The following LOC128092252 variants were observed in gnomAD, a reference collection of about 807,000 sequenced individuals.
the LOC128092252 span, among the ~76,000 whole-genome samples, chr15:50,677,810 T>C: frequency 7.1e-6 from 1 of 140,574 alleles, no homozygotes; most frequent in Non-Finnish European, 1.5e-5. Context: ...ATGTCCAATA[T>C]ACACTCCAAA....
At chr15:50,663,020 A>G in the LOC128092252 span, 1 of 1,613,822 alleles carries the variant, frequency 6.2e-7, no homozygotes, top group Non-Finnish European at 8.5e-7. Context: ...TCTTGGTCAA[A>G]GTGCTTTCTA....
chr15:50,680,296 T>A, the LOC128092252 span, among the ~76,000 whole-genome samples: 2 of 151,898 alleles, frequency 1.3e-5, no homozygotes, highest in Non-Finnish European at 2.9e-5. Flanking sequence ...ATCCCAGTAC[T>A]TTAGGAGGCC....
chr15:50,657,652 G>T, the LOC128092252 span: 1 of 768,862 alleles, frequency 1.3e-6, no homozygotes, highest in Non-Finnish European at 2.1e-6. Flanking sequence ...CACCTTCCAA[G>T]TCTAGGTAAA....
chr15:50,658,938 C>T, the LOC128092252 span, among the ~76,000 whole-genome samples: 2 of 152,288 alleles, frequency 1.3e-5, no homozygotes, highest in South Asian at 2.1e-4. Context: ...GTGGCTCACG[C>T]CTGTAATGCC....
chr15:50,670,810 G>GAAAAAAAAAA, the LOC128092252 span, among the ~76,000 whole-genome samples: 1 of 113,512 alleles, frequency 8.8e-6, no homozygotes, highest in Non-Finnish European at 1.9e-5. Flanking sequence ...AAAAGAAAAA[G>GAAAAAAAAAA]AAAAAAAAAA....
the LOC128092252 span, among the ~76,000 whole-genome samples, chr15:50,654,612 G>A: frequency 3.3e-5 from 5 of 151,570 alleles, no homozygotes; most frequent in South Asian, 6.2e-4. Flanking sequence ...CATAATGAGA[G>A]TGCACATGGT....
chr15:50,649,712 C>T, the LOC128092252 span, among the ~76,000 whole-genome samples: 23 of 152,238 alleles, frequency 1.5e-4, no homozygotes, highest in African/African-American at 5.3e-4. Flanking sequence ...ACATACTGGA[C>T]TATAACACCA....
the LOC128092252 span, among the ~76,000 whole-genome samples, chr15:50,661,016 C>T: frequency 1.3e-5 from 2 of 150,688 alleles, no homozygotes; most frequent in African/African-American, 4.9e-5. Context: ...ACTCTTGTTA[C>T]CCAGGCTGGA....
chr15:50,666,709 G>A, the LOC128092252 span, among the ~76,000 whole-genome samples: 2 of 152,030 alleles, frequency 1.3e-5, no homozygotes, highest in African/African-American at 4.8e-5. Context: ...GGCTGAGGCA[G>A]GAGAATTGCT....
At chr15:50,672,179 G>C in the LOC128092252 span, among the ~76,000 whole-genome samples, 1 of 151,930 alleles carries the variant, frequency 6.6e-6, no homozygotes, top group Non-Finnish European at 1.5e-5. Flanking sequence ...TCAGCCTCCT[G>C]AGCAGCTGGG....
chr15:50,686,697 A>C, the LOC128092252 span: 18 of 884,206 alleles, frequency 2.0e-5, no homozygotes, highest in African/African-American at 3.0e-4. Flanking sequence ...CGGCGCTAGC[A>C]GCAGAAGCCG....
chr15:50,658,594 T>C, the LOC128092252 span, among the ~76,000 whole-genome samples: 10 of 151,348 alleles, frequency 6.6e-5, no homozygotes, highest in African/African-American at 2.4e-4. Context: ...AAAGACATTA[T>C]CTTGGCAAGA....
the LOC128092252 span, among the ~76,000 whole-genome samples, chr15:50,653,076 G>A: frequency 0.017 from 2,627 of 152,138 alleles, 90 homozygotes; most frequent in African/African-American, 0.061. Context: ...ACCTGAGCCC[G>A]GGAGGTCAAG....
the LOC128092252 span, among the ~76,000 whole-genome samples, chr15:50,654,918 A>G: frequency 6.1e-5 from 9 of 146,902 alleles, 1 homozygote; most frequent in Admixed American, 6.8e-5. Flanking sequence ...GGAGAATGGC[A>G]TGAACCCAGG....
At chr15:50,653,113 C>T in the LOC128092252 span, among the ~76,000 whole-genome samples, 2 of 152,116 alleles carry the variant, frequency 1.3e-5, no homozygotes, top group Admixed American at 1.3e-4. Context: ...CACTGCACTC[C>T]AGTCTGGGCC....
chr15:50,651,168 CACAG>C, the LOC128092252 span, among the ~76,000 whole-genome samples: 1 of 152,056 alleles, frequency 6.6e-6, no homozygotes, highest in Non-Finnish European at 1.5e-5. Flanking sequence ...GCCTGGGTGA[CACAG>C]AGAGACCCTG....
At chr15:50,672,019 T>A in the LOC128092252 span, among the ~76,000 whole-genome samples, 3 of 152,238 alleles carry the variant, frequency 2.0e-5, no homozygotes, top group East Asian at 5.8e-4. Context: ...ACGCTTTTTA[T>A]GGTTAGAGTG....
chr15:50,676,720 T>G, the LOC128092252 span, among the ~76,000 whole-genome samples: 1 of 152,138 alleles, frequency 6.6e-6, no homozygotes, highest in Non-Finnish European at 1.5e-5. Flanking sequence ...GTCCCCATCC[T>G]ATGCCTAGTG....
At chr15:50,686,519 TG>T in the LOC128092252 span, 1 of 1,613,866 alleles carries the variant, frequency 6.2e-7, no homozygotes, top group South Asian at 1.1e-5. Context: ...CGGGCCTGCG[TG>T]GGTCCAGTAC....
Sources: gnomAD v4.1 joint callset for allele counts (sites outside exome capture counted in the v4.1 genomes callset) on GRCh38, gnomAD v4.1.1 for gene constraint, MANE v1.5 for transcripts.